PRSS23: variants seen among roughly 807,000 people sequenced by gnomAD.
PRSS23 encodes serine protease 23.
A neutral mutation model predicts 34.7 loss-of-function variants in PRSS23; 25 were observed. That is an observed-to-expected ratio of 0.72 (90% CI 0.53 to 1.01). The LOEUF (loss-of-function observed/expected upper bound fraction) is 1.01. PRSS23 is among the 50% of genes least tolerant of loss of function. The pLI, the probability that PRSS23 is intolerant of heterozygous loss-of-function variation, is 0.00. For synonymous variants in PRSS23, 176 were observed against 186.6 expected (o/e 0.94, Z 0.46); for missense variants, 445 against 475.6 (o/e 0.94, Z 0.60).
chr11:86,889,508 A>C (rs1948826955), intron 2 of PRSS23, among the ~76,000 whole-genome samples: 1 of 152,196 alleles, frequency 6.6e-6, no homozygotes, highest in Non-Finnish European at 1.5e-5. Context: ...CTGTATTCCC[A>C]CAAGGTGGAA....
At chr11:86,913,274 C>CAAAAAAA (rs201233084) in intron 2 of PRSS23, among the ~76,000 whole-genome samples, 2 of 61,160 alleles carry the variant, frequency 3.3e-5, no homozygotes, top group Admixed American at 1.7e-4. Context: ...TGCCCTCAGG[C>CAAAAAAA]AAAAAAAAAA....
At chr11:86,923,246 C>G (rs540482888) in intron 2 of PRSS23, among the ~76,000 whole-genome samples, 1 of 151,304 alleles carries the variant, frequency 6.6e-6, no homozygotes, top group Non-Finnish European at 1.5e-5. Context: ...ACCTCTGCCT[C>G]TCAAAAAACT....
chr11:86,917,532 G>A (rs1949021485), intron 2 of PRSS23, among the ~76,000 whole-genome samples: 1 of 152,220 alleles, frequency 6.6e-6, no homozygotes, highest in Non-Finnish European at 1.5e-5. Flanking sequence ...TGAACAAGAA[G>A]TGTTAGGTCA....
intron 1 of PRSS23, among the ~76,000 whole-genome samples, chr11:86,793,911 T>C (rs763480688): frequency 7.9e-5 from 12 of 152,092 alleles, no homozygotes; most frequent in Non-Finnish European, 1.6e-4. Context: ...ACATAAGATA[T>C]AATTTTAATA....
At chr11:86,857,324 T>C (rs1301670690) in intron 2 of PRSS23, 11 of 393,962 alleles carry the variant, frequency 2.8e-5, no homozygotes, top group Non-Finnish European at 3.5e-5. Context: ...GATGGAATTC[T>C]TGGAATGGAG....
intron 2 of PRSS23, among the ~76,000 whole-genome samples, chr11:86,918,212 G>C (rs1390538855): frequency 6.6e-6 from 1 of 152,060 alleles, no homozygotes; most frequent in Non-Finnish European, 1.5e-5. Context: ...ATACAGAAAT[G>C]AATGTAAATG....
chr11:86,807,877 C>G lies in PRSS23; in HGVS notation c.234C>G (p.Tyr78Ter). Residue 78 changes from tyrosine (Y) to a stop codon, truncating the protein, a stop_gained, in exon 2 of 2, where the codon TAC becomes TAG. Transcript: ENST00000280258. LOFTEE classifies it high-confidence loss of function. Reference sequence around the variant, plus strand: ...ATAAGGGAACTCCACTGCCCACTTACGAAGAGGCCAAGCAATATCTGTCTT... The same window carrying G: ...ATAAGGGAACTCCACTGCCCACTTAGGAAGAGGCCAAGCAATATCTGTCTT... Reference protein sequence around the residue: ...QCHKGTPLPTYEEAKQYLSYE... With the variant: ...QCHKGTPLPT 2 of 1,614,126 alleles carry G rather than the reference C, an allele frequency of 1.2e-6. No individual in the cohort carries two copies. The highest frequency in any genetic ancestry group is 2.2e-5 in the East Asian group (1 of 44,876).
exon 3 of PRSS23, chr11:86,952,333 C>T (rs776497653): frequency 6.2e-7 from 1 of 1,614,204 alleles, no homozygotes; most frequent in Non-Finnish European, 8.5e-7. Flanking sequence ...AGTTCAGACT[C>T]TCTGGCCAGG....
chr11:86,875,830 T>C (rs1948720599), intron 2 of PRSS23, among the ~76,000 whole-genome samples: 1 of 152,244 alleles, frequency 6.6e-6, no homozygotes, highest in African/African-American at 2.4e-5. Context: ...CTTCAGAGAC[T>C]TTGGGCAGAC....
Position 86,810,866 on chromosome 11 carries a change from TA to T in PRSS23, c.*2073del, listed in dbSNP as rs1172902806. On this transcript the variant is annotated 3_prime_UTR_variant, in exon 2 of 2. Coordinates refer to ENST00000280258, the MANE Select transcript of PRSS23 (RefSeq NM_007173.6). The stretch of plus-strand genomic sequence containing the variant: ...TTCAACATGTCCATCTTTTTAGTGA[TA>T]ATAAAAGAAAGCATGGTATTAAACT... 1 of 166,986 alleles carries T rather than the reference TA, an allele frequency of 6.0e-6. No homozygotes were observed. The highest frequency in any genetic ancestry group is 2.4e-5 in the African/African-American group (1 of 41,436). 10.3% of individuals were successfully genotyped at this position (166,986 alleles called of 1,614,324 possible). A position where few individuals can be genotyped will look rare whatever the true frequency, so the allele number is the denominator to read the frequency against.
chr11:86,950,528 T>A (rs1396500641), intron 2 of PRSS23: 1 of 160,268 alleles, frequency 6.2e-6, no homozygotes, highest in Non-Finnish European at 1.4e-5. Flanking sequence ...TTTGTTCAAA[T>A]AACTGTTTTA....
chr11:86,841,997 C>G (rs547386686), intron 2 of PRSS23, among the ~76,000 whole-genome samples: 4 of 152,276 alleles, frequency 2.6e-5, no homozygotes, highest in African/African-American at 9.6e-5. Context: ...AATTTTAGAC[C>G]AATATTTCTA....
chr11:86,841,029 C>A (rs537606927), intron 2 of PRSS23, among the ~76,000 whole-genome samples: 2 of 151,902 alleles, frequency 1.3e-5, no homozygotes, highest in Admixed American at 1.3e-4. Flanking sequence ...AAATTGACAC[C>A]CTGACATCAA....
chr11:86,937,313 C>T (rs1350695368), intron 2 of PRSS23: 2 of 152,110 alleles, frequency 1.3e-5, no homozygotes, highest in African/African-American at 4.8e-5. Context: ...CTGCCTTAGC[C>T]CTAGATTTTT....
At chr11:86,857,362 A>ACTCC (rs1948579431) in intron 2 of PRSS23, 1 of 272,298 alleles carries the variant, frequency 3.7e-6, no homozygotes, top group Admixed American at 5.3e-5. Context: ...AGACAAAAGG[A>ACTCC]TCCCTGAAAT....
chr11:86,879,518 C>G lies in PRSS23; in HGVS notation c.206+55925C>G, dbSNP rs1373281450. 4.7e-3 allele frequency among the ~76,000 whole-genome samples: 600 copies of G among 128,166 alleles called. 3 individuals carry two copies. The highest frequency in any genetic ancestry group is 8.7e-4 in the Non-Finnish European group (51 of 58,878). 84.1% of individuals were successfully genotyped at this position (128,166 alleles called of 152,430 possible). A position where few individuals can be genotyped will look rare whatever the true frequency, so the allele number is the denominator to read the frequency against. ...GAGGTGGGGGGATCAGCCCCCCACCCGGCCAGCCGCCCCGTCCGGGAGGGA... is the reference window on the plus strand; with the variant it reads ...GAGGTGGGGGGATCAGCCCCCCACCGGGCCAGCCGCCCCGTCCGGGAGGGA... On this transcript the variant is annotated intron_variant, in intron 2 of 2. Transcript: ENST00000533902.
At chr11:86,801,362 C>T (rs1736983596) in intron 1 of PRSS23, among the ~76,000 whole-genome samples, 1 of 152,188 alleles carries the variant, frequency 6.6e-6, no homozygotes, top group African/African-American at 2.4e-5. Context: ...TGAAGGAACA[C>T]CACCACTCCT....
intron 1 of PRSS23, among the ~76,000 whole-genome samples, chr11:86,802,145 C>T (rs1382370065): frequency 6.6e-6 from 1 of 152,174 alleles, no homozygotes; most frequent in Non-Finnish European, 1.5e-5. Context: ...GGATTTCATC[C>T]ACCAGGCATT....
intron 2 of PRSS23, among the ~76,000 whole-genome samples, chr11:86,944,982 G>A (rs1391781241): frequency 6.6e-6 from 1 of 152,186 alleles, no homozygotes; most frequent in African/African-American, 2.4e-5. Flanking sequence ...TGGGACATCA[G>A]CAGACGGTGA....
Sources: gnomAD v4.1 joint callset for allele counts (sites outside exome capture counted in the v4.1 genomes callset) on GRCh38, gnomAD v4.1.1 for gene constraint, MANE v1.5 for transcripts, NCBI Gene and HGNC (gene_info 2026-07-23, HGNC 2026-07-21) for gene names.